Variants in SHOC2 observed in about 807,000 individuals in gnomAD.
SHOC2 encodes the protein SHOC2 leucine rich repeat scaffold protein.
SHOC2 carries 4 observed loss-of-function variants against 50.2 expected under a neutral mutation model. The observed-to-expected ratio is 0.08, with a 90% CI of 0.04 to 0.18. The LOEUF (loss-of-function observed/expected upper bound fraction) is 0.18, where lower values mean the gene tolerates loss of function less well. Among genes scored for constraint, SHOC2 ranks in the 10% least tolerant of loss-of-function variants. The probability of loss-of-function intolerance (pLI) is 1.00; values close to 1 mark genes in which losing one functional copy is unlikely to be tolerated. For missense variants in SHOC2, 388 were observed against 669.6 expected (o/e 0.58, Z 4.64); for synonymous variants, 218 against 244.5 (o/e 0.89, Z 1.01).
chr10:110,954,197 A>AT (rs1298057645), intron 1 of SHOC2, among the ~76,000 whole-genome samples: 1 of 151,736 alleles, frequency 6.6e-6, no homozygotes, highest in African/African-American at 2.4e-5. Flanking sequence ...AATATTACAA[A>AT]TTTAATTTCT....
intron 2 of SHOC2, among the ~76,000 whole-genome samples, chr10:110,971,348 GTA>G: frequency 6.6e-6 from 1 of 152,110 alleles, no homozygotes; most frequent in African/African-American, 2.4e-5. Context: ...CCTTTATCAA[GTA>G]TCAGTTGGCT....
chr10:111,011,589 A>G (rs763971889), intron 8 of SHOC2, 21 bp from the exon 9 acceptor site: 2 of 1,590,728 alleles, frequency 1.3e-6, no homozygotes, highest in South Asian at 2.2e-5. Context: ...TTAAAAAAAA[A>G]TTGATTTTTT....
At chr10:110,957,042 T>C (rs570166092) in intron 1 of SHOC2, among the ~76,000 whole-genome samples, 1 of 152,362 alleles carries the variant, frequency 6.6e-6, no homozygotes, top group South Asian at 2.1e-4. Flanking sequence ...ATTGGGCATT[T>C]GCCCTAAGGC....
At chr10:110,967,865 T>C (rs1474510298) in intron 2 of SHOC2, among the ~76,000 whole-genome samples, 1 of 152,236 alleles carries the variant, frequency 6.6e-6, no homozygotes, top group Non-Finnish European at 1.5e-5. Context: ...TATTTATGCA[T>C]TTATCAGTTG....
intron 2 of SHOC2, among the ~76,000 whole-genome samples, chr10:110,968,465 T>A (rs1847719169): frequency 6.6e-6 from 1 of 152,094 alleles, no homozygotes; most frequent in African/African-American, 2.4e-5. Flanking sequence ...AGGGAATTTT[T>A]AATTCAAAAT....
At chr10:110,972,099 A>G (rs1042380931) in intron 2 of SHOC2, among the ~76,000 whole-genome samples, 3 of 151,202 alleles carry the variant, frequency 2.0e-5, no homozygotes, top group African/African-American at 7.3e-5. Context: ...CAGTACTATT[A>G]ACCTATTTTT....
At chr10:110,931,372 T>C (rs1457174695) in intron 1 of SHOC2, among the ~76,000 whole-genome samples, 3 of 152,198 alleles carry the variant, frequency 2.0e-5, no homozygotes, top group African/African-American at 7.2e-5. Context: ...TTTGAGCATG[T>C]TAATTGTGGG....
At chr10:110,998,366 G>A (rs1040216629) in intron 3 of SHOC2, among the ~76,000 whole-genome samples, 1 of 151,940 alleles carries the variant, frequency 6.6e-6, no homozygotes, top group African/African-American at 2.4e-5. Context: ...CTGGGGCTTT[G>A]GAAAGTCACT....
intron 1 of SHOC2, among the ~76,000 whole-genome samples, chr10:110,920,605 G>T (rs576701329): frequency 1.3e-5 from 2 of 152,252 alleles, no homozygotes; most frequent in African/African-American, 4.8e-5. Context: ...ACAAACAGGT[G>T]GAATAAATAC....
intron 1 of SHOC2, chr10:110,937,096 A>G: frequency 6.8e-7 from 1 of 1,470,074 alleles, no homozygotes; most frequent in Non-Finnish European, 9.5e-7. Flanking sequence ...TTCTGTAGAA[A>G]TTGCCAGAAA....
In SHOC2 at chr10:110,975,711, T is replaced by C. The variant is rs543522128; in HGVS notation, c.704-9917T>C. On this transcript the variant is annotated intron_variant, in intron 2 of 8. Coordinates refer to ENST00000369452, the MANE Select transcript of SHOC2 (RefSeq NM_007373.4). ...TATCAATTCATATTGATAAGTCTCA[T>C]TACTGGTGATTTTGACCTCGACCAG... Among the ~76,000 whole-genome samples the C allele has an allele frequency of 2.6e-5, 4 of 152,348 alleles. No individual in the cohort carries two copies. The South Asian group carries it at 8.3e-4, about 32-fold the overall frequency.
intron 1 of SHOC2, among the ~76,000 whole-genome samples, chr10:110,942,575 A>G (rs1442547871): frequency 6.6e-6 from 1 of 152,210 alleles, no homozygotes; most frequent in East Asian, 1.9e-4. Context: ...GCCAAATACT[A>G]GAGACTGAAG....
intron 2 of SHOC2, among the ~76,000 whole-genome samples, chr10:110,978,429 T>G (rs1228488844): frequency 6.6e-6 from 1 of 152,226 alleles, no homozygotes; most frequent in Non-Finnish European, 1.5e-5. Flanking sequence ...GACTTAGATT[T>G]AGCTCTTGTA....
chr10:111,001,594 T>C (rs1224817323), intron 4 of SHOC2, among the ~76,000 whole-genome samples: 2 of 152,240 alleles, frequency 1.3e-5, no homozygotes, highest in Non-Finnish European at 2.9e-5. Context: ...TGTAGTAATG[T>C]AACAAAAGAA....
At chr10:110,953,611 G>C (rs902969065) in intron 1 of SHOC2, among the ~76,000 whole-genome samples, 23 of 152,042 alleles carry the variant, frequency 1.5e-4, no homozygotes, top group Non-Finnish European at 2.9e-4. Context: ...GTTTTTCTGT[G>C]AACATAGTTT....
chr10:111,007,884 T>G (rs1848499183), intron 6 of SHOC2, among the ~76,000 whole-genome samples: 1 of 152,012 alleles, frequency 6.6e-6, no homozygotes, highest in Non-Finnish European at 1.5e-5. Flanking sequence ...TTGAGTGCCA[T>G]AAAGTATTAA....
rs529218132 is a variant in SHOC2, at chr10:110,953,080, C to T, written c.-234-11045C>T. Among the ~76,000 whole-genome samples, 45 of 152,238 alleles carry T rather than the reference C, an allele frequency of 3.0e-4. No individual in the cohort carries two copies. In the South Asian group the frequency reaches 9.3e-3, roughly 32 times the overall value. ...GATTTATACTCCTTTGGCTATATAC[C>T]CAGTAATGGGATTGCTGGGTCAAAT... On this transcript the variant is annotated intron_variant, in intron 1 of 8. Transcript: ENST00000369452.
intron 2 of SHOC2, among the ~76,000 whole-genome samples, chr10:110,980,244 C>T (rs1397676188): frequency 2.0e-5 from 3 of 151,522 alleles, no homozygotes; most frequent in East Asian, 3.9e-4. Flanking sequence ...GCAAGCTCCG[C>T]CTCCCGGGTT....
chr10:110,980,462 T>G (rs748184204), intron 2 of SHOC2, among the ~76,000 whole-genome samples: 1 of 152,180 alleles, frequency 6.6e-6, no homozygotes, highest in Non-Finnish European at 1.5e-5. Flanking sequence ...AGGCCTGTTG[T>G]TCACTCACTT....
Sources: gnomAD v4.1 joint callset for allele counts (sites outside exome capture counted in the v4.1 genomes callset) on GRCh38, gnomAD v4.1.1 for gene constraint, MANE v1.5 for transcripts, NCBI Gene and HGNC (gene_info 2026-07-23, HGNC 2026-07-21) for gene names.